PPP1R14C: variants seen among roughly 807,000 people sequenced by gnomAD.
The protein encoded by PPP1R14C is protein phosphatase 1 regulatory inhibitor subunit 14C.
A neutral mutation model predicts 20.4 loss-of-function variants in PPP1R14C; 16 were observed. The observed-to-expected ratio is 0.78, with a 90% CI of 0.53 to 1.19. The LOEUF (loss-of-function observed/expected upper bound fraction) is 1.19. Among genes scored for constraint, PPP1R14C ranks in the 50% most tolerant of loss-of-function variants. The pLI is 0.00. For synonymous variants in PPP1R14C, 91 were observed against 91.0 expected (o/e 1.00, Z 0.00); for missense variants, 211 against 220.1 (o/e 0.96, Z 0.26).
Position 150,216,848 on chromosome 6 carries a change from C to T in PPP1R14C, c.415C>T (p.Pro139Ser), listed in dbSNP as rs140737196. Reference protein sequence around the residue: ...LQEALVDCYKPTEEFIKELLS... With the variant: ...LQEALVDCYKSTEEFIKELLS... ...GGAAGCTCTTGTAGACTGCTACAAA[C>T]CAACAGAGGTAAGCAAATCACTTTT... The change falls in exon 3 of 4, where the codon CCA becomes TCA. Residue 139 changes from proline to serine, a missense_variant. Physicochemically the swap from Pro to Ser is moderately conservative, Grantham distance 74 (BLOSUM62 -1). Transcript: ENST00000361131. The T allele has an allele frequency of 6.2e-6, 10 of 1,602,852 alleles. No homozygotes were observed. Among genetic ancestry groups the T allele is most frequent in the South Asian group, 1.1e-5 (1 of 88,840 alleles).
chr6:150,194,139 C>T (rs1049499284), intron 1 of PPP1R14C, among the ~76,000 whole-genome samples: 1 of 152,072 alleles, frequency 6.6e-6, no homozygotes, highest in Non-Finnish European at 1.5e-5. Context: ...TGAGGCCTCC[C>T]CAGCCATGTG....
intron 1 of PPP1R14C, among the ~76,000 whole-genome samples, chr6:150,208,437 G>C (rs2114904619): frequency 6.6e-6 from 1 of 152,162 alleles, no homozygotes; most frequent in South Asian, 2.1e-4. Flanking sequence ...TGGGCCCCTT[G>C]TTAAGTGGGA....
intron 1 of PPP1R14C, among the ~76,000 whole-genome samples, chr6:150,180,480 T>C (rs1052174190): frequency 2.9e-4 from 44 of 152,182 alleles, no homozygotes; most frequent in Non-Finnish European, 6.5e-4. Flanking sequence ...TTGGGGAAAG[T>C]AGTTTAATGA....
chr6:150,224,169 C>G (rs571813387), intron 3 of PPP1R14C, among the ~76,000 whole-genome samples: 1 of 152,300 alleles, frequency 6.6e-6, no homozygotes, highest in Non-Finnish European at 1.5e-5. Flanking sequence ...TTATGTCAGT[C>G]TGTTTCTGGG....
intron 1 of PPP1R14C, among the ~76,000 whole-genome samples, chr6:150,154,906 G>T (rs1319697137): frequency 6.6e-6 from 1 of 152,012 alleles, no homozygotes; most frequent in Non-Finnish European, 1.5e-5. Flanking sequence ...CTTTTTCTTT[G>T]CATTTAATTG....
At chr6:150,187,284 T>C (rs1777688963) in intron 1 of PPP1R14C, among the ~76,000 whole-genome samples, 1 of 151,174 alleles carries the variant, frequency 6.6e-6, no homozygotes, top group Admixed American at 6.6e-5. Flanking sequence ...TGTGTGTGTG[T>C]GTGTGTGTTT....
In PPP1R14C at chr6:150,167,989, TC is replaced by T. The variant is rs1777447764; in HGVS notation, c.306+24492del. Among the ~76,000 whole-genome samples, 17 of 3,608 alleles carry T rather than the reference TC, an allele frequency of 4.7e-3. 5 individuals are homozygous for T. Among genetic ancestry groups the T allele is most frequent in the African/African-American group, 0.021 (16 of 770 alleles). The allele number at this position is 3,608 out of a possible 152,430, so 2.4% of individuals were successfully genotyped here. A position where few individuals can be genotyped will look rare whatever the true frequency, so the allele number is the denominator to read the frequency against. On this transcript the variant is annotated intron_variant, in intron 1 of 3. Transcript: ENST00000361131. ...CTCTTTCTCTCCTTCTCTCCTCCCC[TC>T]TTCCTCTCCCCCTTGCTTTCCTCCC...
intron 3 of PPP1R14C, among the ~76,000 whole-genome samples, chr6:150,224,921 C>T (rs138912994): frequency 6.6e-6 from 1 of 151,860 alleles, no homozygotes; most frequent in Non-Finnish European, 1.5e-5. Context: ...CATCCATAGT[C>T]CTGTGATTAG....
intron 1 of PPP1R14C, among the ~76,000 whole-genome samples, chr6:150,190,837 G>A (rs1777733368): frequency 1.3e-5 from 2 of 152,114 alleles, no homozygotes; most frequent in Admixed American, 6.5e-5. Context: ...TCTCTTGCTT[G>A]TATTACTTTT....
At chr6:150,155,700 C>T (rs541681344) in intron 1 of PPP1R14C, among the ~76,000 whole-genome samples, 1 of 152,134 alleles carries the variant, frequency 6.6e-6, no homozygotes, top group East Asian at 1.9e-4. Context: ...TCAAGTGAAC[C>T]ATTTACAGGA....
At chr6:150,218,167 G>A (rs1294171723) in intron 3 of PPP1R14C, among the ~76,000 whole-genome samples, 5 of 152,114 alleles carry the variant, frequency 3.3e-5, no homozygotes, top group Non-Finnish European at 7.4e-5. Flanking sequence ...ACTTTGGGGG[G>A]CCGAGACGGG....
intron 2 of PPP1R14C, among the ~76,000 whole-genome samples, chr6:150,216,494 C>T (rs1177024918): frequency 2.7e-5 from 4 of 149,394 alleles, no homozygotes; most frequent in African/African-American, 9.9e-5. Flanking sequence ...GATTCTGTCT[C>T]AAAACAAACA....
chr6:150,197,943 G>A (rs1418126582), intron 1 of PPP1R14C, among the ~76,000 whole-genome samples: 7 of 105,488 alleles, frequency 6.6e-5, no homozygotes, highest in Admixed American at 4.5e-4. Context: ...CTGGATGCCC[G>A]GCTTTGTGTG....
intron 1 of PPP1R14C, among the ~76,000 whole-genome samples, chr6:150,205,723 T>C (rs746523529): frequency 9.5e-5 from 14 of 146,826 alleles, no homozygotes; most frequent in East Asian, 4.0e-4. Flanking sequence ...ACTTGGGAGG[T>C]GGAGATTGCA....
chr6:150,201,560 AG>A lies in PPP1R14C; in HGVS notation c.307-13180del, dbSNP rs1314615335. Among the ~76,000 whole-genome samples, 1 of 152,144 alleles carries A rather than the reference AG, an allele frequency of 6.6e-6. No homozygotes were observed. The highest frequency in any genetic ancestry group is 1.5e-5 in the Non-Finnish European group (1 of 68,018). On this transcript the variant is annotated intron_variant, in intron 1 of 3. Transcript: ENST00000361131. This position sits in a 1 kb window ranked among gnomAD's most constrained non-coding sequence, Gnocchi z 4.2. Reference sequence around the variant, plus strand: ...ATGGAGAGGAGGCCGGGAGCCCAGCAGGGGAAGCCTTCCAGGCAGAGGTAAG... The same window carrying A: ...ATGGAGAGGAGGCCGGGAGCCCAGCAGGGAAGCCTTCCAGGCAGAGGTAAG...
intron 1 of PPP1R14C, among the ~76,000 whole-genome samples, chr6:150,187,693 C>T (rs1777694318): frequency 6.6e-6 from 1 of 152,138 alleles, no homozygotes; most frequent in South Asian, 2.1e-4. Flanking sequence ...TCTAGTCTAT[C>T]ATTGATGGGC....
At chr6:150,150,987 G>T (rs533177010) in intron 1 of PPP1R14C, among the ~76,000 whole-genome samples, 46 of 151,752 alleles carry the variant, frequency 3.0e-4, no homozygotes, top group Middle Eastern at 3.4e-3. Flanking sequence ...GCTCTTCAGT[G>T]ATGACATTTC....
At position 150,248,882 on chromosome 6, in the gene PPP1R14C, G is replaced by C; in HGVS notation, c.*62G>C. ...AAGAGTCCTGGGATTTGTACTTCAT[G>C]AAGACTTTTGTGAAAGAATAGGTGT... On this transcript the variant is annotated 3_prime_UTR_variant, in exon 4 of 4. Coordinates refer to ENST00000361131, the MANE Select transcript of PPP1R14C (RefSeq NM_030949.3). 9.2e-7 allele frequency: 1 copy of C among 1,088,152 alleles called. No homozygotes were observed. The highest frequency in any genetic ancestry group is 1.4e-6 in the Non-Finnish European group (1 of 739,474). The allele number at this position is 1,088,152 out of a possible 1,614,324, so 67.4% of individuals were successfully genotyped here.
chr6:150,144,420 C>CT (rs67560806), intron 1 of PPP1R14C, among the ~76,000 whole-genome samples: 6,756 of 152,350 alleles, frequency 0.044, 247 homozygotes, highest in East Asian at 0.17. Context: ...AAAATGATCT[C>CT]TCATGAGCAT....
Sources: gnomAD v4.1 joint callset for allele counts (sites outside exome capture counted in the v4.1 genomes callset) on GRCh38, gnomAD v4.1.1 for gene constraint, Gnocchi (gnomAD v3.1) non-coding constraint, MANE v1.5 for transcripts, NCBI Gene and HGNC (gene_info 2026-07-23, HGNC 2026-07-21) for gene names.